Variants in LONP2 observed in about 807,000 individuals in gnomAD.
LONP2 encodes lon protease homolog 2, peroxisomal.
A neutral mutation model predicts 85.6 loss-of-function variants in LONP2; 60 were observed. The ratio of observed to expected loss-of-function variants is 0.70; its 90% CI spans 0.57 to 0.87. The LOEUF (loss-of-function observed/expected upper bound fraction) is 0.87, where lower values mean the gene tolerates loss of function less well. LONP2 is among the 40% of genes least tolerant of loss of function. The pLI is 0.00. For synonymous variants in LONP2, 395 were observed against 389.7 expected (o/e 1.01, Z -0.16); for missense variants, 860 against 1,063.5 (o/e 0.81, Z 2.66).
At position 48,338,059 on chromosome 16, in the gene LONP2, C is replaced by T. The variant is rs1391173762; in HGVS notation, c.1938+3701C>T. Among the ~76,000 whole-genome samples the T allele has an allele frequency of 2.6e-5, 4 of 152,172 alleles. No homozygotes were observed. In the East Asian group the frequency reaches 7.7e-4, roughly 29 times the overall value. Reference sequence around the variant, plus strand: ...CTGAGCTCAAGCCATCCACCTGCCTCAGCCTCCCAAAGTGCTGGAATTATA... The same window carrying T: ...CTGAGCTCAAGCCATCCACCTGCCTTAGCCTCCCAAAGTGCTGGAATTATA... On this transcript the variant is annotated intron_variant, in intron 12 of 14. Transcript: ENST00000285737.
intron 5 of LONP2, 76 bp downstream of exon 5, chr16:48,261,663 T>C (rs1019152555): frequency 9.0e-7 from 1 of 1,110,922 alleles, no homozygotes; most frequent in Non-Finnish European, 1.3e-6. Context: ...TCACTACTCT[T>C]TTCTCCAATA....
intron 2 of LONP2, among the ~76,000 whole-genome samples, chr16:48,253,531 G>A (rs1248131773): frequency 6.6e-6 from 1 of 151,818 alleles, no homozygotes; most frequent in Non-Finnish European, 1.5e-5. Flanking sequence ...CTGAAAGAAA[G>A]CACTTTGAGG....
intron 10 of LONP2, 121 bp downstream of exon 10, chr16:48,299,909 C>T (rs1972766960): frequency 2.0e-6 from 2 of 1,022,008 alleles, no homozygotes; most frequent in Non-Finnish European, 2.8e-6. Flanking sequence ...AAGCCACAGT[C>T]TCCTGAAAAG....
At chr16:48,316,070 C>T (rs146979127) in intron 11 of LONP2, among the ~76,000 whole-genome samples, 2,558 of 149,808 alleles carry the variant, frequency 0.017, 88 homozygotes, top group African/African-American at 0.061. Flanking sequence ...TGCAGTGGCA[C>T]GATTTTGGCT....
At chr16:48,341,259 C>G (rs1281926994) in intron 12 of LONP2, among the ~76,000 whole-genome samples, 1 of 152,130 alleles carries the variant, frequency 6.6e-6, no homozygotes, top group Non-Finnish European at 1.5e-5. Flanking sequence ...GAGATCGTGC[C>G]ACTGCACTCC....
At chr16:48,272,730 G>T (rs544112977) in intron 7 of LONP2, among the ~76,000 whole-genome samples, 1 of 152,184 alleles carries the variant, frequency 6.6e-6, no homozygotes, top group Admixed American at 6.6e-5. Flanking sequence ...TTAGCCATCA[G>T]TGTACCAGAT....
chr16:48,282,225 G>A (rs771211560), intron 8 of LONP2, among the ~76,000 whole-genome samples: 3 of 151,720 alleles, frequency 2.0e-5, no homozygotes, highest in Non-Finnish European at 4.4e-5. Flanking sequence ...CCTGGCTAAC[G>A]TGGCGAAACC....
At chr16:48,288,813 G>A (rs758376751) in intron 8 of LONP2, among the ~76,000 whole-genome samples, 18 of 152,092 alleles carry the variant, frequency 1.2e-4, no homozygotes, top group Non-Finnish European at 2.1e-4. Flanking sequence ...GAGACAGAGC[G>A]GAGGGGGTTA....
chr16:48,350,322 A>G (rs1201726680), intron 14 of LONP2, among the ~76,000 whole-genome samples: 1 of 98,894 alleles, frequency 1.0e-5, no homozygotes, highest in African/African-American at 5.3e-5. Flanking sequence ...TGGGAGGCAG[A>G]AAGTTGCAGT....
At chr16:48,315,676 G>A (rs892722737) in intron 11 of LONP2, among the ~76,000 whole-genome samples, 2 of 152,122 alleles carry the variant, frequency 1.3e-5, no homozygotes, top group African/African-American at 4.8e-5. Context: ...TTAAACCATA[G>A]CACTGACTTT....
intron 6 of LONP2, among the ~76,000 whole-genome samples, chr16:48,266,407 G>C (rs1339632050): frequency 6.6e-6 from 1 of 151,592 alleles, no homozygotes; most frequent in African/African-American, 2.4e-5. Flanking sequence ...ATTTTGATGA[G>C]TTTTGACTTA....
At chr16:48,357,695 T>C (rs1960427456), downstream of LONP2, among the ~76,000 whole-genome samples, 1 of 152,208 alleles carries the variant, frequency 6.6e-6, no homozygotes, top group Admixed American at 6.5e-5. Flanking sequence ...AATTCTACCA[T>C]TAGTAGAATC....
At chr16:48,329,471 T>C (rs1267320444) in intron 11 of LONP2, among the ~76,000 whole-genome samples, 14 of 152,226 alleles carry the variant, frequency 9.2e-5, no homozygotes. Flanking sequence ...TACTTAATAA[T>C]GGACCCAAAG....
Position 48,262,874 on chromosome 16 carries a change from T to C in LONP2, c.982+2T>C. 6.3e-7 allele frequency: 1 copy of C among 1,588,856 alleles called. No homozygotes were observed. The highest frequency in any genetic ancestry group is 2.2e-5 in the East Asian group (1 of 44,496). ...TTCCTTGGAACAAAAGTACAACTGG[T>C]AAGCCAAAAAATAACACCTGTTTTG... On this transcript the variant is annotated splice_donor_variant, in intron 6 of 14. Transcript: ENST00000285737. LOFTEE classifies it high-confidence loss of function.
At chr16:48,297,835 G>A (rs780595439) in intron 9 of LONP2, among the ~76,000 whole-genome samples, 50 of 152,170 alleles carry the variant, frequency 3.3e-4, no homozygotes, top group Admixed American at 2.2e-3. Context: ...AAGTAGCTGG[G>A]ACTACAGGCG....
At chr16:48,360,351 G>A (rs868202790), downstream of LONP2, among the ~76,000 whole-genome samples, 3 of 152,138 alleles carry the variant, frequency 2.0e-5, no homozygotes, top group Admixed American at 6.5e-5. Flanking sequence ...AAGAGGGGCA[G>A]GGCATGGGAA....
intron 11 of LONP2, among the ~76,000 whole-genome samples, chr16:48,307,326 G>A (rs1292209208): frequency 6.6e-6 from 1 of 152,196 alleles, no homozygotes; most frequent in Non-Finnish European, 1.5e-5. Context: ...GTTGGGTTGA[G>A]AGATTAGTTG....
intron 8 of LONP2, among the ~76,000 whole-genome samples, chr16:48,286,265 C>T (rs2150988217): frequency 6.6e-6 from 1 of 151,680 alleles, no homozygotes; most frequent in South Asian, 2.1e-4. Flanking sequence ...CCTCAGCCTC[C>T]CAAGTAGCTG....
At chr16:48,261,299 C>G (rs1971868287) in intron 4 of LONP2, 125 bp from the exon 5 acceptor site, 1 of 668,810 alleles carries the variant, frequency 1.5e-6, no homozygotes. Context: ...ACTTCACTTC[C>G]TAAAGATAGA....
Sources: allele counts gnomAD v4.1 joint callset (sites outside exome capture counted in the v4.1 genomes callset), GRCh38; gene constraint gnomAD v4.1.1; transcripts MANE v1.5; gene names NCBI Gene and HGNC (gene_info 2026-07-23, HGNC 2026-07-21).